The following COL23A1 variants were observed in gnomAD, a reference collection of about 807,000 sequenced individuals.
The protein encoded by COL23A1 is collagen type XXIII alpha 1 chain.
A neutral mutation model predicts 99.3 loss-of-function variants in COL23A1; 97 were observed. The ratio of observed to expected loss-of-function variants is 0.98; its 90% confidence interval spans 0.83 to 1.16. COL23A1 has a LOEUF of 1.16. Ranked by LOEUF, COL23A1 falls within the 50% of genes most tolerant of loss-of-function variation. COL23A1 has a pLI of 0.00. For missense variants in COL23A1, 762 were observed against 757.4 expected (o/e 1.01, Z -0.07); for synonymous variants, 320 against 308.2 (o/e 1.04, Z -0.40).
At chr5:178,508,637 G>A (rs994271930) in intron 2 of COL23A1, among the ~76,000 whole-genome samples, 1 of 152,120 alleles carries the variant, frequency 6.6e-6, no homozygotes. Context: ...GGGAGTTCCC[G>A]GGAGTTCTAT....
intron 16 of COL23A1, among the ~76,000 whole-genome samples, chr5:178,252,848 C>T (rs183104992): frequency 0.01 from 1,565 of 152,298 alleles, 12 homozygotes; most frequent in Non-Finnish European, 0.016. Context: ...CTGCCATGGA[C>T]GGCCCTCTGC....
chr5:178,337,179 T>C (rs1468545207), intron 2 of COL23A1, among the ~76,000 whole-genome samples: 1 of 152,222 alleles, frequency 6.6e-6, no homozygotes, highest in African/African-American at 2.4e-5. Context: ...CTCGCTCATC[T>C]GAGAGGGGTC....
intron 2 of COL23A1, among the ~76,000 whole-genome samples, chr5:178,493,560 G>A (rs1758045319): frequency 6.6e-6 from 1 of 152,222 alleles, no homozygotes; most frequent in African/African-American, 2.4e-5. Flanking sequence ...ATTTTTGCAG[G>A]AGTAACCTCT....
In COL23A1 at chr5:178,316,348, G is replaced by T. The variant is rs568725221; in HGVS notation, c.362-9429C>A. 3.3e-5 allele frequency among the ~76,000 whole-genome samples: 5 copies of T among 152,278 alleles called. No homozygotes were observed. The East Asian group carries it at 7.7e-4, about 23-fold the overall frequency. ...GAGATTTCCAGAATGAAAAACGTAA[G>T]GTTGGAATGACTCTTATTAGTTTAA... On this transcript the variant is annotated intron_variant, in intron 2 of 28. Coordinates refer to ENST00000390654, the MANE Select transcript of COL23A1 (RefSeq NM_173465.4).
intron 1 of COL23A1, among the ~76,000 whole-genome samples, chr5:178,574,628 C>T (rs781308291): frequency 6.6e-6 from 1 of 152,110 alleles, no homozygotes; most frequent in Non-Finnish European, 1.5e-5. Context: ...ATTGTTTCCC[C>T]ACAAATATAC....
rs1764960272 is a variant in COL23A1 at position 178,250,215 on chromosome 5, G to A, written c.1015-110C>T. 9 of 1,246,016 alleles carry A rather than the reference G, an allele frequency of 7.2e-6. No homozygotes were observed. In the South Asian group the frequency reaches 8.8e-5, roughly 12 times the overall value. 77.2% of individuals were successfully genotyped at this position (1,246,016 alleles called of 1,614,324 possible). A position where few individuals can be genotyped will look rare whatever the true frequency, so the allele number is the denominator to read the frequency against. On this transcript the variant is annotated intron_variant, in intron 17 of 28. Transcript: ENST00000390654. Reference sequence around the variant, plus strand: ...ACCCGGCCCAGGGTGGGTCTTTGCAGTTGGACCTCTAGCTGTGCCAGGACC... The same window carrying A: ...ACCCGGCCCAGGGTGGGTCTTTGCAATTGGACCTCTAGCTGTGCCAGGACC...
At chr5:178,402,740 A>G (rs777323257) in intron 2 of COL23A1, among the ~76,000 whole-genome samples, 13 of 152,140 alleles carry the variant, frequency 8.5e-5, no homozygotes, top group Admixed American at 1.3e-4. Flanking sequence ...AAGAAAAAAC[A>G]TATATATTTA....
At chr5:178,491,809 A>G (rs1480974835) in intron 2 of COL23A1, among the ~76,000 whole-genome samples, 1 of 152,146 alleles carries the variant, frequency 6.6e-6, no homozygotes, top group Non-Finnish European at 1.5e-5. Context: ...ATCTTGGCTC[A>G]TAGCAACCTC....
chr5:178,535,942 G>A (rs998460940), intron 2 of COL23A1, among the ~76,000 whole-genome samples: 1 of 152,258 alleles, frequency 6.6e-6, no homozygotes, highest in Non-Finnish European at 1.5e-5. Context: ...TGTCTGTTCT[G>A]ACCCCTGGAT....
intron 5 of COL23A1, among the ~76,000 whole-genome samples, chr5:178,278,893 C>A (rs534919828): frequency 2.6e-5 from 4 of 152,186 alleles, no homozygotes; most frequent in Admixed American, 1.3e-4. Flanking sequence ...GCAGCTGTGA[C>A]GCGCTGGGCC....
chr5:178,479,714 G>GA (rs914947036), intron 2 of COL23A1, among the ~76,000 whole-genome samples: 2 of 151,646 alleles, frequency 1.3e-5, no homozygotes, highest in South Asian at 4.1e-4. Context: ...ATGCAGGAAG[G>GA]AAAAAAAAGC....
intron 27 of COL23A1, among the ~76,000 whole-genome samples, chr5:178,240,342 G>C (rs955560373): frequency 1.3e-5 from 2 of 151,914 alleles, no homozygotes; most frequent in East Asian, 1.9e-4. Context: ...AGGTGGGGAG[G>C]GGGGCAGAAT....
At chr5:178,328,589 T>C (rs918292872) in intron 2 of COL23A1, among the ~76,000 whole-genome samples, 2 of 152,206 alleles carry the variant, frequency 1.3e-5, no homozygotes, top group Non-Finnish European at 2.9e-5. Context: ...TGGCTGAGTA[T>C]AAAGTAAGGC....
At chr5:178,333,400 C>T (rs2973683) in intron 2 of COL23A1, among the ~76,000 whole-genome samples, 72,668 of 151,844 alleles carry the variant, frequency 0.48, 18,302 homozygotes, top group East Asian at 0.81. Flanking sequence ...CTTAGGGCCC[C>T]TGGCATGAAT....
intron 1 of COL23A1, among the ~76,000 whole-genome samples, chr5:178,584,523 T>G (rs1280936552): frequency 6.6e-6 from 1 of 152,186 alleles, no homozygotes; most frequent in Non-Finnish European, 1.5e-5. Flanking sequence ...GAAATTAAGC[T>G]GCACCATCTT....
chr5:178,292,913 G>T (rs1334114429), intron 3 of COL23A1, among the ~76,000 whole-genome samples: 2 of 152,168 alleles, frequency 1.3e-5, no homozygotes, highest in Non-Finnish European at 2.9e-5. Context: ...GTCTCAGGAG[G>T]GAGTGATCGC....
chr5:178,295,823 T>A (rs1757712807), intron 3 of COL23A1, among the ~76,000 whole-genome samples: 1 of 152,240 alleles, frequency 6.6e-6, no homozygotes, highest in Non-Finnish European at 1.5e-5. Flanking sequence ...TATGGAACTA[T>A]CTCCAGGGTG....
At chr5:178,427,197 AAAT>A (rs745426602) in intron 2 of COL23A1, among the ~76,000 whole-genome samples, 7 of 152,172 alleles carry the variant, frequency 4.6e-5, no homozygotes, top group South Asian at 2.1e-4. Context: ...GTGTCTCAAA[AAAT>A]AATAATAATG....
intron 1 of COL23A1, among the ~76,000 whole-genome samples, chr5:178,587,354 A>C (rs947168669): frequency 2.0e-5 from 3 of 152,130 alleles, no homozygotes; most frequent in African/African-American, 7.2e-5. Context: ...CTGTATCTTC[A>C]TTATCGGGCA....
Sources: allele counts gnomAD v4.1 joint callset (sites outside exome capture counted in the v4.1 genomes callset), GRCh38; gene constraint gnomAD v4.1.1; transcripts MANE v1.5; gene names NCBI Gene and HGNC (gene_info 2026-07-23, HGNC 2026-07-21).